HCK: variants seen among roughly 807,000 people sequenced by gnomAD.
The protein encoded by HCK is HCK proto-oncogene, Src family tyrosine kinase.
In HCK, 40 loss-of-function variants were observed where a neutral mutation model predicts 70.4. The ratio of observed to expected loss-of-function variants is 0.57; its 90% CI spans 0.44 to 0.74. The LOEUF is 0.74. Ranked by LOEUF, HCK falls within the 30% of genes least tolerant of loss-of-function variation. The pLI, the probability that HCK is intolerant of heterozygous loss-of-function variation, is 0.00. For synonymous variants in HCK, 245 were observed against 263.2 expected (o/e 0.93, Z 0.67); for missense variants, 568 against 697.2 (o/e 0.81, Z 2.09).
At chr20:32,089,500 T>C (rs542417240) in intron 10 of HCK, among the ~76,000 whole-genome samples, 5 of 152,324 alleles carry the variant, frequency 3.3e-5, no homozygotes, top group Admixed American at 6.5e-5. Flanking sequence ...AAGATGAGTA[T>C]TAAATAACCA....
chr20:32,084,911 G>A (rs1454088335), intron 8 of HCK, among the ~76,000 whole-genome samples: 1 of 152,202 alleles, frequency 6.6e-6, no homozygotes, highest in East Asian at 1.9e-4. Context: ...AGATTTCCAG[G>A]CAACTGATGA....
chr20:32,059,379 A>C (rs1600704799), intron 1 of HCK, among the ~76,000 whole-genome samples: 28 of 115,188 alleles, frequency 2.4e-4, no homozygotes, highest in Admixed American at 3.1e-4. Context: ...CTCCTCCTCC[A>C]CTTTCTTCTT....
intron 10 of HCK, among the ~76,000 whole-genome samples, chr20:32,093,154 A>G (rs1209999706): frequency 6.6e-6 from 1 of 152,170 alleles, no homozygotes; most frequent in Non-Finnish European, 1.5e-5. Context: ...CATGTTGGCC[A>G]GGCTGGTCTC....
At chr20:32,094,761 GAAGGAAAGAAAGAA>G (rs1569009918) in intron 11 of HCK, among the ~76,000 whole-genome samples, 8 of 117,154 alleles carry the variant, frequency 6.8e-5, no homozygotes, top group Non-Finnish European at 9.2e-5. Flanking sequence ...AAGAAAGAAA[GAAGGAAAGAAAGAA>G]AGAGAGAGAA....
intron 5 of HCK, among the ~76,000 whole-genome samples, chr20:32,078,654 C>T (rs992867659): frequency 2.0e-5 from 3 of 151,666 alleles, no homozygotes; most frequent in Admixed American, 6.6e-5. Flanking sequence ...TTCAGGAGTT[C>T]GAGACCAGCC....
chr20:32,063,919 G>C (rs1357361841), intron 1 of HCK, among the ~76,000 whole-genome samples: 1 of 150,688 alleles, frequency 6.6e-6, no homozygotes, highest in African/African-American at 2.4e-5. Flanking sequence ...GCTGCTGCAG[G>C]CCTTTTTTTC....
At chr20:32,065,662 G>C (rs1260011177) in intron 1 of HCK, among the ~76,000 whole-genome samples, 1 of 152,190 alleles carries the variant, frequency 6.6e-6, no homozygotes, top group African/African-American at 2.4e-5. Context: ...TCCCAGGGCA[G>C]ACTGCCTCAG....
chr20:32,100,488 T>C (rs2046019282), intron 12 of HCK, among the ~76,000 whole-genome samples: 2 of 152,170 alleles, frequency 1.3e-5, no homozygotes, highest in Admixed American at 1.3e-4. Context: ...GAATAAAGGA[T>C]GATTACCCTG....
intron 1 of HCK, chr20:32,054,200 TTCTC>T (rs2045228630): frequency 2.2e-6 from 1 of 456,472 alleles, no homozygotes; most frequent in Admixed American, 2.3e-5. Context: ...TCAGTCCTGT[TTCTC>T]TCCCTCCCCA....
Position 32,086,731 on chromosome 20 carries a change from G to A in HCK, c.939G>A (p.Gln313=), listed in dbSNP as rs749967117. ...AGGCCAACGTGATGAAAACTCTGCA[G>A]CATGACAAGCTGGTCAAACTTCATG... Residue 313 remains glutamine (Q), a synonymous_variant, in exon 9 of 13, where the codon CAG becomes CAA. Transcript: ENST00000375852. 1.2e-6 allele frequency: 2 copies of A among 1,610,734 alleles called. No individual in the cohort carries two copies.
chr20:32,090,573 C>A (rs1171927215), intron 10 of HCK, among the ~76,000 whole-genome samples: 1 of 152,166 alleles, frequency 6.6e-6, no homozygotes, highest in African/African-American at 2.4e-5. Context: ...CCCCATATAA[C>A]CTTGAGGCAT....
rs570194774 is a variant in HCK at position 32,076,176 on chromosome 20, A to C, written c.428+1455A>C. 2.6e-5 allele frequency among the ~76,000 whole-genome samples: 4 copies of C among 152,258 alleles called. No individual in the cohort carries two copies. In the South Asian group the frequency reaches 8.3e-4, roughly 32 times the overall value. ...CATCTCTACTAAAAATACAAAAAAA[A>C]TTAGCTGGGTGTGGTGGTGCGTGCC... On this transcript the variant is annotated intron_variant, in intron 5 of 12. Transcript: ENST00000375852.
At chr20:32,082,328 G>A (rs916007644) in intron 6 of HCK, among the ~76,000 whole-genome samples, 2 of 151,844 alleles carry the variant, frequency 1.3e-5, no homozygotes, top group Admixed American at 6.6e-5. Flanking sequence ...TGGCATGTAC[G>A]GTAAGCTATT....
chr20:32,097,958 C>T (rs756078606), intron 11 of HCK, among the ~76,000 whole-genome samples: 36 of 152,308 alleles, frequency 2.4e-4, no homozygotes, highest in Middle Eastern at 6.8e-3. Flanking sequence ...GGGAGGATCA[C>T]TTGAGCCCAG....
At chr20:32,058,605 A>AAAAC (rs148271123) in intron 1 of HCK, among the ~76,000 whole-genome samples, 1 of 142,334 alleles carries the variant, frequency 7.0e-6, no homozygotes, top group Non-Finnish European at 1.5e-5. Flanking sequence ...TTTATGTCAA[A>AAAAC]ACACACACAC....
chr20:32,098,891 G>A lies in HCK; in HGVS notation c.1247-113G>A, dbSNP rs1024867399. On this transcript the variant is annotated intron_variant, in intron 11 of 12. Coordinates refer to ENST00000375852, the MANE Select transcript of HCK (RefSeq NM_002110.5). ...AGGCCACGTATCAGGGAAATTGCAG[G>A]TCTGCAGGGGCAGATGTTGGCAGCT... 4.4e-5 allele frequency: 52 copies of A among 1,182,872 alleles called. No homozygotes were observed. The African/African-American group carries it at 5.3e-4, about 12-fold the overall frequency. The allele number at this position is 1,182,872 out of a possible 1,614,324, so 73.3% of individuals were successfully genotyped here. A position where few individuals can be genotyped will look rare whatever the true frequency, so the allele number is the denominator to read the frequency against.
intron 7 of HCK, 27 bp downstream of exon 7, chr20:32,084,070 C>T (rs1391033645): frequency 1.9e-6 from 3 of 1,608,600 alleles, no homozygotes; most frequent in African/African-American, 2.7e-5. Flanking sequence ...GGGTGACATC[C>T]CCACCACGAT....
At chr20:32,094,768 A>G (rs6142607) in intron 11 of HCK, among the ~76,000 whole-genome samples, 11 of 128,334 alleles carry the variant, frequency 8.6e-5, no homozygotes, top group Middle Eastern at 3.7e-3. Context: ...AAAGAAGGAA[A>G]GAAAGAAAGA....
chr20:32,052,522 C>A, intron 1 of HCK, 36 bp downstream of exon 1: 1 of 1,248,436 alleles, frequency 8.0e-7, no homozygotes, highest in Non-Finnish European at 1.0e-6. Flanking sequence ...GAATACCCGG[C>A]CCGCGAGGGG....
Sources: gnomAD v4.1 joint callset for allele counts (sites outside exome capture counted in the v4.1 genomes callset) on GRCh38, gnomAD v4.1.1 for gene constraint, MANE v1.5 for transcripts, NCBI Gene and HGNC (gene_info 2026-07-23, HGNC 2026-07-21) for gene names.